CHRM3: variants seen among roughly 807,000 people sequenced by gnomAD.
The protein encoded by CHRM3 is cholinergic receptor muscarinic 3, also known as muscarinic acetylcholine receptor M3.
A neutral mutation model predicts 41.8 loss-of-function variants in CHRM3; 11 were observed. That is an observed-to-expected ratio of 0.26 (90% confidence interval 0.17 to 0.44). The LOEUF is 0.44. Among genes scored for constraint, CHRM3 ranks in the 20% least tolerant of loss-of-function variants. The probability of loss-of-function intolerance (pLI) is 1.00; values close to 1 mark genes in which losing one functional copy is unlikely to be tolerated. For missense variants in CHRM3, 571 were observed against 745.4 expected (o/e 0.77, Z 2.72); for synonymous variants, 297 against 301.4 (o/e 0.99, Z 0.15).
chr1:239,768,333 G>C (rs1269804204), intron 5 of CHRM3, among the ~76,000 whole-genome samples: 3 of 152,094 alleles, frequency 2.0e-5, no homozygotes, highest in Non-Finnish European at 4.4e-5. Context: ...GAAAACACTA[G>C]AATAAAGGCA....
chr1:239,640,895 G>A (rs879543111), intron 4 of CHRM3, among the ~76,000 whole-genome samples: 42 of 148,152 alleles, frequency 2.8e-4, no homozygotes, highest in East Asian at 7.9e-4. Context: ...TTTCTCTTGT[G>A]GGCATTTAGT....
intron 5 of CHRM3, among the ~76,000 whole-genome samples, chr1:239,717,142 C>G (rs1029574097): frequency 6.6e-6 from 1 of 151,680 alleles, no homozygotes; most frequent in Non-Finnish European, 1.5e-5. Context: ...GCTTCTCTAA[C>G]GGTGTTCTTG....
intron 4 of CHRM3, among the ~76,000 whole-genome samples, chr1:239,637,824 A>C (rs1393825419): frequency 6.7e-6 from 1 of 150,096 alleles, no homozygotes; most frequent in Non-Finnish European, 1.5e-5. Context: ...GTGGTTAGTT[A>C]CATATGTATA....
intron 5 of CHRM3, among the ~76,000 whole-genome samples, chr1:239,679,101 A>G (rs1658307654): frequency 6.6e-6 from 1 of 152,116 alleles, no homozygotes; most frequent in Non-Finnish European, 1.5e-5. Context: ...TAATATATGC[A>G]TGTGTGTGTT....
chr1:239,814,328 A>T (rs1254135572), intron 5 of CHRM3, among the ~76,000 whole-genome samples: 2 of 152,108 alleles, frequency 1.3e-5, no homozygotes, highest in African/African-American at 4.8e-5. Context: ...TGCATTTCTC[A>T]GCAAATCCAG....
At chr1:239,828,495 C>T (rs618713) in intron 6 of CHRM3, among the ~76,000 whole-genome samples, 131,542 of 152,090 alleles carry the variant, frequency 0.86, 56,978 homozygotes, top group East Asian at 0.99. Context: ...GCTTCTATAG[C>T]GTATTCAGGG....
intron 6 of CHRM3, among the ~76,000 whole-genome samples, chr1:239,834,011 A>T (rs1396564303): frequency 1.3e-5 from 2 of 152,138 alleles, no homozygotes; most frequent in Non-Finnish European, 2.9e-5. Context: ...ATGCAAACAG[A>T]TACATAGCTG....
intron 5 of CHRM3, among the ~76,000 whole-genome samples, chr1:239,709,763 A>C (rs1239319279): frequency 1.3e-5 from 2 of 152,204 alleles, no homozygotes; most frequent in Non-Finnish European, 2.9e-5. Flanking sequence ...CGTTCCACTT[A>C]AGTAGCTAAA....
intron 3 of CHRM3, among the ~76,000 whole-genome samples, chr1:239,558,711 C>T (rs983987133): frequency 6.6e-6 from 1 of 152,174 alleles, no homozygotes; most frequent in African/African-American, 2.4e-5. Flanking sequence ...TCCTAGAATG[C>T]CTTTCCCTCT....
chr1:239,496,111 T>C (rs1667861567), intron 2 of CHRM3, among the ~76,000 whole-genome samples: 1 of 152,154 alleles, frequency 6.6e-6, no homozygotes, highest in Non-Finnish European at 1.5e-5. Flanking sequence ...GACTCCTTAT[T>C]GGCTGACGTC....
At chr1:239,540,403 A>G (rs1400527789) in intron 2 of CHRM3, among the ~76,000 whole-genome samples, 1 of 152,200 alleles carries the variant, frequency 6.6e-6, no homozygotes, top group Non-Finnish European at 1.5e-5. Context: ...CCTTTAAAAA[A>G]ATCTGCCTCT....
intron 3 of CHRM3, among the ~76,000 whole-genome samples, chr1:239,588,571 T>A (rs1259875108): frequency 6.6e-6 from 1 of 152,212 alleles, no homozygotes; most frequent in Non-Finnish European, 1.5e-5. Context: ...GAACAAAAGA[T>A]GATTTTGAAT....
At chr1:239,490,941 A>T (rs866924497) in intron 1 of CHRM3, among the ~76,000 whole-genome samples, 6 of 152,024 alleles carry the variant, frequency 3.9e-5, no homozygotes, top group Admixed American at 3.9e-4. Context: ...GGGTTGTGCC[A>T]TGTTGCCCAG....
chr1:239,495,436 G>A (rs951626761), intron 2 of CHRM3, among the ~76,000 whole-genome samples: 7 of 152,252 alleles, frequency 4.6e-5, no homozygotes, highest in African/African-American at 1.7e-4. Context: ...ACTCCTTCAA[G>A]TGCAAATTCA....
At chr1:239,618,627 G>T (rs191692865) in intron 3 of CHRM3, among the ~76,000 whole-genome samples, 2,465 of 151,558 alleles carry the variant, frequency 0.016, 39 homozygotes, top group Admixed American at 0.041. Context: ...GTCGGATCAC[G>T]AGGTCAGGAG....
chr1:239,463,465 A>G (rs2147892683), intron 1 of CHRM3, among the ~76,000 whole-genome samples: 1 of 152,232 alleles, frequency 6.6e-6, no homozygotes, highest in South Asian at 2.1e-4. Flanking sequence ...AGCCCCCTGG[A>G]TGAGCTTTTG....
At chr1:239,870,347 G>A (rs564366979) in intron 6 of CHRM3, among the ~76,000 whole-genome samples, 3 of 152,308 alleles carry the variant, frequency 2.0e-5, no homozygotes, top group Non-Finnish European at 4.4e-5. Context: ...CTTCCAGGCA[G>A]CGAGGACAGA....
Position 239,912,581 on chromosome 1 carries a change from G to A in CHRM3, c.*3357G>A, listed in dbSNP as rs995800508. On this transcript the variant is annotated 3_prime_UTR_variant, in exon 7 of 7. Coordinates refer to ENST00000676153, the MANE Select transcript of CHRM3 (RefSeq NM_001375978.1). ...AGCGCTGGAAGCCCCTTCATGTATC[G>A]AGAGAGAAGCTGGAGCACAGAGCTC... 5.4e-5 allele frequency: 9 copies of A among 167,068 alleles called. No individual in the cohort carries two copies. Among genetic ancestry groups the A allele is most frequent in the Non-Finnish European group, 1.2e-4 (8 of 68,126 alleles). 10.3% of individuals were successfully genotyped at this position (167,068 alleles called of 1,614,324 possible). A position where few individuals can be genotyped will look rare whatever the true frequency, so the allele number is the denominator to read the frequency against.
chr1:239,487,887 AAAAAGAAAAATATCCTT>A (rs1472489832), intron 1 of CHRM3, among the ~76,000 whole-genome samples: 10 of 151,946 alleles, frequency 6.6e-5, no homozygotes, highest in Admixed American at 6.6e-5. Context: ...CAAAGACAAA[AAAAAGAAAAATATCCTT>A]AAAAGAAAGA....
Sources: allele counts gnomAD v4.1 joint callset (sites outside exome capture counted in the v4.1 genomes callset), GRCh38; gene constraint gnomAD v4.1.1; transcripts MANE v1.5; gene names NCBI Gene and HGNC (gene_info 2026-07-23, HGNC 2026-07-21).